The following GDAP1 variants were observed in gnomAD, a reference collection of about 807,000 sequenced individuals.
GDAP1 encodes ganglioside-induced differentiation-associated protein 1.
A neutral mutation model predicts 40.1 loss-of-function variants in GDAP1; 34 were observed. The observed-to-expected ratio is 0.85, with a 90% CI of 0.64 to 1.13. The LOEUF is 1.13. Among genes scored for constraint, GDAP1 ranks in the 50% most tolerant of loss-of-function variants. The pLI is 0.00. For synonymous variants in GDAP1, 170 were observed against 157.4 expected, an observed-to-expected ratio of 1.08 and a Z score of -0.60; for missense variants, 374 against 433.7, an observed-to-expected ratio of 0.86 and a Z score of 1.22.
Position 74,448,205 on chromosome 8 carries a change from G to A in GDAP1, c.166-40473G>A, listed in dbSNP as rs34631897. Among the ~76,000 whole-genome samples the A allele has an allele frequency of 2.9e-3, 437 of 152,194 alleles. No individual in the cohort carries two copies. The Middle Eastern group carries it at 0.034, about 12-fold the overall frequency. On this transcript the variant is annotated intron_variant, in intron 2 of 2. Coordinates refer to the GDAP1 transcript ENST00000523640. ...AGTACTATTCTGATTTCTGTCATATGGATTTGTTTTTCATGTTTATGAATT... is the reference window on the plus strand; with the variant it reads ...AGTACTATTCTGATTTCTGTCATATAGATTTGTTTTTCATGTTTATGAATT...
At position 74,364,066 on chromosome 8, in the gene GDAP1, A is replaced by G. The variant is rs778557691; in HGVS notation, c.776A>G (p.Lys259Arg). Residue 259 changes from lysine (K) to arginine (R), a missense_variant, in exon 6 of 6, where the codon AAG becomes AGG. Physicochemically the swap from Lys to Arg is conservative, Grantham distance 26. Coordinates refer to ENST00000220822, the MANE Select transcript of GDAP1 (RefSeq NM_018972.4). ...VSLAVTLHRL[K>R]FLGFARRNWG... The stretch of plus-strand genomic sequence containing the variant: ...CTCGCTGTCACATTGCATCGACTGA[A>G]GTTCCTGGGGTTTGCAAGGAGAAAC... The G allele has an allele frequency of 1.9e-6, 3 of 1,614,022 alleles. No individual in the cohort carries two copies. Among genetic ancestry groups the G allele is most frequent in the Non-Finnish European group, 2.5e-6 (3 of 1,180,000 alleles).
rs1275757594 is a variant in GDAP1 at position 74,452,913 on chromosome 8, C to CT, written c.166-35756dup. Among the ~76,000 whole-genome samples the CT allele has an allele frequency of 7.4e-5, 6 of 81,188 alleles. 2 individuals carry two copies. Among genetic ancestry groups the CT allele is most frequent in the Non-Finnish European group, 1.2e-4 (5 of 40,088 alleles). 53.3% of individuals were successfully genotyped at this position (81,188 alleles called of 152,430 possible). A position where few individuals can be genotyped will look rare whatever the true frequency, so the allele number is the denominator to read the frequency against. The stretch of plus-strand genomic sequence containing the variant: ...TTCTGTTATTTTCCTTGAAAGAGTG[C>CT]TTTTTTTTTGTTCTAGTAAGCATTT... On this transcript the variant is annotated intron_variant, in intron 2 of 2. Transcript: ENST00000523640.
intron 2 of GDAP1, among the ~76,000 whole-genome samples, chr8:74,472,655 T>G (rs527283741): frequency 6.6e-6 from 1 of 151,828 alleles, no homozygotes; most frequent in South Asian, 2.1e-4. Context: ...TGGTATCTCA[T>G]TGTGGCTTTG....
At chr8:74,444,019 TATCTATC>T (rs148084418) in intron 2 of GDAP1, among the ~76,000 whole-genome samples, 6,154 of 111,940 alleles carry the variant, frequency 0.055, 137 homozygotes, top group African/African-American at 0.074. Context: ...TCTATCTATC[TATCTATC>T]ATCTATCATC....
chr8:74,476,924 A>G (rs1806636793), intron 2 of GDAP1, among the ~76,000 whole-genome samples: 2 of 132,004 alleles, frequency 1.5e-5, no homozygotes, highest in Non-Finnish European at 3.6e-5. Context: ...GATACAAATG[A>G]GTCATAAATT....
At chr8:74,390,915 C>T (rs565458039) in intron 2 of GDAP1, among the ~76,000 whole-genome samples, 2 of 152,354 alleles carry the variant, frequency 1.3e-5, no homozygotes, top group East Asian at 1.9e-4. Context: ...AGTGTGGCTA[C>T]AGCAGCTTTG....
At chr8:74,465,539 A>G (rs867750773) in intron 2 of GDAP1, among the ~76,000 whole-genome samples, 3 of 152,176 alleles carry the variant, frequency 2.0e-5, no homozygotes, top group Non-Finnish European at 4.4e-5. Flanking sequence ...TTTCCCCAAC[A>G]CAGTCTCCAT....
At chr8:74,428,512 C>T (rs1484057999) in intron 2 of GDAP1, among the ~76,000 whole-genome samples, 8 of 151,012 alleles carry the variant, frequency 5.3e-5, no homozygotes, top group Non-Finnish European at 8.9e-5. Context: ...CTCTGTTGCC[C>T]AGGCAGAGCA....
In GDAP1 at chr8:74,361,949, G is replaced by C; in HGVS notation, c.550G>C (p.Ala184Pro). ...TGAAGAAAACCCAGATTTACAAGAA[G>C]CATACATTGCAAAACAGAAACGACT... Reference protein sequence around the residue: ...LAEENPDLQEAYIAKQKRLKS... With the variant: ...LAEENPDLQEPYIAKQKRLKS... The change falls in exon 4 of 6, where the codon GCA becomes CCA. Residue 184 changes from alanine (A) to proline (P), a missense_variant. Transcript: ENST00000220822. 6.2e-7 allele frequency: 1 copy of C among 1,603,662 alleles called. No individual in the cohort carries two copies. Among genetic ancestry groups the C allele is most frequent in the Non-Finnish European group, 8.5e-7 (1 of 1,171,222 alleles).
intron 2 of GDAP1, among the ~76,000 whole-genome samples, chr8:74,429,762 T>TTCCAACTGGGG (rs1246780141): frequency 2.0e-5 from 3 of 152,146 alleles, no homozygotes; most frequent in African/African-American, 7.2e-5. Flanking sequence ...TTCCAACACA[T>TTCCAACTGGGG]GAGTTTTGAG....
At chr8:74,444,647 T>C (rs1806206907) in intron 2 of GDAP1, among the ~76,000 whole-genome samples, 1 of 152,200 alleles carries the variant, frequency 6.6e-6, no homozygotes, top group East Asian at 1.9e-4. Context: ...TCAGCCAAAA[T>C]TGAAGGGAAA....
At chr8:74,470,025 T>C (rs1386652322) in intron 2 of GDAP1, among the ~76,000 whole-genome samples, 1 of 152,046 alleles carries the variant, frequency 6.6e-6, no homozygotes, top group Admixed American at 6.6e-5. Flanking sequence ...CTGAAACCAT[T>C]TGAGCCTGGA....
intron 2 of GDAP1, among the ~76,000 whole-genome samples, chr8:74,430,477 A>G (rs1336043411): frequency 2.0e-5 from 3 of 152,214 alleles, no homozygotes; most frequent in Non-Finnish European, 4.4e-5. Flanking sequence ...GAATATCTTT[A>G]TGATATATTG....
At chr8:74,475,495 T>C (rs1179573720) in intron 2 of GDAP1, among the ~76,000 whole-genome samples, 1 of 152,204 alleles carries the variant, frequency 6.6e-6, no homozygotes, top group Non-Finnish European at 1.5e-5. Context: ...TTTGTTCTCA[T>C]TAGTTTCAAA....
At chr8:74,366,913 A>G (rs1025125613), downstream of GDAP1, 7 of 379,612 alleles carry the variant, frequency 1.8e-5, no homozygotes, top group Non-Finnish European at 2.5e-5. Flanking sequence ...AAACAGATAT[A>G]TTTTTTTCAT....
intron 2 of GDAP1, among the ~76,000 whole-genome samples, chr8:74,375,288 C>T (rs759764422): frequency 7.2e-5 from 11 of 151,924 alleles, no homozygotes; most frequent in Middle Eastern, 6.8e-3. Context: ...GATCGCGCCA[C>T]TGCACTCCAG....
chr8:74,422,352 C>CTTCCCTTCCTT (rs1563465558), intron 2 of GDAP1, among the ~76,000 whole-genome samples: 30 of 34,164 alleles, frequency 8.8e-4, no homozygotes, highest in East Asian at 8.4e-4. Flanking sequence ...TTTCTTTCTT[C>CTTCCCTTCCTT]CCTTCCTTCC....
intron 2 of GDAP1, among the ~76,000 whole-genome samples, chr8:74,448,458 T>C (rs1390109019): frequency 6.6e-6 from 1 of 152,158 alleles, no homozygotes; most frequent in Non-Finnish European, 1.5e-5. Flanking sequence ...TGTTCTTTTT[T>C]TGGACATGTA....
At chr8:74,413,538 TGTGAA>T (rs1319817357) in intron 2 of GDAP1, among the ~76,000 whole-genome samples, 1 of 149,718 alleles carries the variant, frequency 6.7e-6, no homozygotes, top group Non-Finnish European at 1.5e-5. Flanking sequence ...AGTCAGAGAC[TGTGAA>T]AATCACCCAT....
Sources: gnomAD v4.1 joint callset for allele counts (sites outside exome capture counted in the v4.1 genomes callset) on GRCh38, gnomAD v4.1.1 for gene constraint, MANE v1.5 for transcripts, NCBI Gene and HGNC (gene_info 2026-07-23, HGNC 2026-07-21) for gene names.